The following TEK variants were observed in gnomAD, a reference collection of about 807,000 sequenced individuals.
The protein encoded by TEK is angiopoietin-1 receptor.
In TEK, 43 loss-of-function variants were observed where a neutral mutation model predicts 131.8. That is an observed-to-expected ratio of 0.33 (90% CI 0.26 to 0.42). TEK has a LOEUF of 0.42. Among genes scored for constraint, TEK ranks in the 10% least tolerant of loss-of-function variants. The pLI is 1.00. For synonymous variants in TEK, 580 were observed against 491.6 expected, an observed-to-expected ratio of 1.18 and a Z score of -2.38; for missense variants, 1,162 against 1,384.4, an observed-to-expected ratio of 0.84 and a Z score of 2.55.
intron 1 of TEK, among the ~76,000 whole-genome samples, chr9:27,115,610 T>C (rs1281512437): frequency 6.6e-6 from 1 of 152,192 alleles, no homozygotes; most frequent in Non-Finnish European, 1.5e-5. Context: ...TGAAAACAAC[T>C]TGTAGGTTGA....
chr9:27,186,497 G>A (rs151136268), intron 9 of TEK, among the ~76,000 whole-genome samples: 1 of 152,184 alleles, frequency 6.6e-6, no homozygotes, highest in Non-Finnish European at 1.5e-5. Flanking sequence ...GTCTGTACAT[G>A]TTCAGACACA....
chr9:27,109,535 G>T lies in TEK; in HGVS notation c.-56G>T. The T allele has an allele frequency of 6.3e-7, 1 of 1,594,216 alleles. No homozygotes were observed. Among genetic ancestry groups the T allele is most frequent in the Non-Finnish European group, 8.6e-7 (1 of 1,161,886 alleles). On this transcript the variant is annotated 5_prime_UTR_variant, in exon 1 of 23. Coordinates refer to ENST00000380036, the MANE Select transcript of TEK (RefSeq NM_000459.5). The stretch of plus-strand genomic sequence containing the variant: ...TCACAAACCGCTGGGTTTTTGAAAG[G>T]ATCCTTGGGACCTCATGCACATTTG...
At chr9:27,114,823 T>C (rs1425254171) in intron 1 of TEK, among the ~76,000 whole-genome samples, 5 of 152,208 alleles carry the variant, frequency 3.3e-5, no homozygotes, top group Admixed American at 3.3e-4. Flanking sequence ...AGATGAGGTA[T>C]TGTATGATTG....
At chr9:27,144,329 G>A (rs566899375) in intron 1 of TEK, among the ~76,000 whole-genome samples, 1 of 152,154 alleles carries the variant, frequency 6.6e-6, no homozygotes, top group South Asian at 2.1e-4. Flanking sequence ...CTCATGCGAA[G>A]ATGCTATGGA....
chr9:27,154,151 GTC>G (rs1227068911), intron 1 of TEK, among the ~76,000 whole-genome samples: 1 of 151,906 alleles, frequency 6.6e-6, no homozygotes, highest in Non-Finnish European at 1.5e-5. Context: ...CTCTCTTTCT[GTC>G]TCTCTTTTAT....
intron 2 of TEK, among the ~76,000 whole-genome samples, chr9:27,160,540 T>A (rs1387959326): frequency 6.6e-6 from 1 of 152,144 alleles, no homozygotes. Flanking sequence ...TCTACCCAGG[T>A]CCCAGGTGAT....
chr9:27,158,261 T>C (rs1002533519), intron 2 of TEK, 119 bp downstream of exon 2: 1 of 1,180,934 alleles, frequency 8.5e-7, no homozygotes, highest in Non-Finnish European at 1.2e-6. Context: ...AGCTTGACGA[T>C]CTTGCCTGTC....
chr9:27,225,982 G>A (rs1826308552), intron 21 of TEK, among the ~76,000 whole-genome samples: 1 of 152,224 alleles, frequency 6.6e-6, no homozygotes, highest in Middle Eastern at 3.4e-3. Context: ...CATGAAAAAA[G>A]CTCATCATCA....
At chr9:27,129,413 C>A (rs1822125767) in intron 1 of TEK, among the ~76,000 whole-genome samples, 2 of 152,162 alleles carry the variant, frequency 1.3e-5, no homozygotes, top group Admixed American at 6.5e-5. Context: ...CCTACTCTTT[C>A]TCTTCTCTTC....
chr9:27,205,168 T>C (rs577889596), intron 14 of TEK, 103 bp downstream of exon 14: 228 of 1,438,572 alleles, frequency 1.6e-4, no homozygotes, highest in Admixed American at 9.9e-4. Flanking sequence ...AAAGTAAATA[T>C]TTCCCTTAGG....
chr9:27,158,894 C>G (rs566806165), intron 2 of TEK, among the ~76,000 whole-genome samples: 2 of 152,166 alleles, frequency 1.3e-5, no homozygotes, highest in Non-Finnish European at 2.9e-5. Context: ...CTGTAGACCT[C>G]GTGATCTGCC....
At chr9:27,117,834 A>C (rs985311879) in intron 1 of TEK, among the ~76,000 whole-genome samples, 1 of 152,184 alleles carries the variant, frequency 6.6e-6, no homozygotes, top group Non-Finnish European at 1.5e-5. Context: ...CACCCATCTC[A>C]GCAGATCTGT....
intron 1 of TEK, among the ~76,000 whole-genome samples, chr9:27,130,346 C>G (rs754056309): frequency 1.3e-5 from 2 of 151,864 alleles, no homozygotes; most frequent in African/African-American, 4.8e-5. Context: ...TTTAAAAAAA[C>G]CATCTCTTAC....
chr9:27,157,749 C>A, intron 1 of TEK, 82 bp from the exon 2 acceptor site: 2 of 1,472,708 alleles, frequency 1.4e-6, no homozygotes, highest in Non-Finnish European at 9.5e-7. Context: ...AACTTTAAGA[C>A]AAGGCTTTGT....
intron 21 of TEK, among the ~76,000 whole-genome samples, chr9:27,220,621 G>A (rs1826026009): frequency 6.6e-6 from 1 of 152,202 alleles, no homozygotes; most frequent in African/African-American, 2.4e-5. Flanking sequence ...ATCTCATAGG[G>A]ACTGGTTAGA....
rs550054718 is a variant in TEK at position 27,194,963 on chromosome 9, C to T, written c.1624+2340C>T. 7.9e-5 allele frequency among the ~76,000 whole-genome samples: 12 copies of T among 152,032 alleles called. No homozygotes were observed. The South Asian group carries it at 8.3e-4, about 11-fold the overall frequency. On this transcript the variant is annotated intron_variant, in intron 11 of 22. Transcript: ENST00000380036. ...ATGGGGTAATCATGTTCCCAAAGGG[C>T]GGGAAAAGGGGAAATGACTATTTAT...
chr9:27,216,243 G>A (rs1192172993), intron 18 of TEK, among the ~76,000 whole-genome samples: 3 of 152,302 alleles, frequency 2.0e-5, no homozygotes, highest in Non-Finnish European at 4.4e-5. Context: ...ACAGGGTAGA[G>A]AACAGACAAT....
intron 18 of TEK, among the ~76,000 whole-genome samples, chr9:27,214,132 T>G (rs994687303): frequency 6.6e-6 from 1 of 150,520 alleles, no homozygotes; most frequent in African/African-American, 2.5e-5. Context: ...ACAGTAATAT[T>G]TTATCTTTAA....
intron 2 of TEK, among the ~76,000 whole-genome samples, chr9:27,161,590 G>T (rs1823550734): frequency 6.6e-6 from 1 of 152,190 alleles, no homozygotes; most frequent in South Asian, 2.1e-4. Context: ...CTACCCTTTG[G>T]ATATCATTCT....
Sources: allele counts gnomAD v4.1 joint callset (sites outside exome capture counted in the v4.1 genomes callset), GRCh38; gene constraint gnomAD v4.1.1; transcripts MANE v1.5; gene names NCBI Gene and HGNC (gene_info 2026-07-23, HGNC 2026-07-21).